The following RBCK1 variants were observed in gnomAD, a reference collection of about 807,000 sequenced individuals.
RBCK1 encodes RANBP2-type and C3HC4-type zinc finger containing 1.
Under a neutral mutation model 71.1 loss-of-function variants are expected in RBCK1, and 44 were observed. The observed-to-expected ratio is 0.62, with a 90% CI of 0.49 to 0.80. The LOEUF is 0.80. Ranked by LOEUF, RBCK1 falls within the 30% of genes least tolerant of loss-of-function variation. RBCK1 has a pLI of 0.00. For synonymous variants in RBCK1, 306 were observed against 279.7 expected (o/e 1.09, Z -0.94); for missense variants, 569 against 685.0 (o/e 0.83, Z 1.89).
rs772853220 is a variant in RBCK1 at position 410,393 on chromosome 20, T to C, written c.167+368T>C. On this transcript the variant is annotated intron_variant, in intron 2 of 11. Transcript: ENST00000356286. ...GAGGCTCATATTGTTTCTCTCACCA[T>C]TCTGCCATTCATTCCCAGATTCCTC... 9.0e-6 allele frequency: 7 copies of C among 779,244 alleles called. No homozygotes were observed. The Admixed American group carries it at 1.2e-4, about 13-fold the overall frequency. 48.3% of individuals were successfully genotyped at this position (779,244 alleles called of 1,614,324 possible).
intron 6 of RBCK1, 29 bp downstream of exon 6, chr20:419,760 C>A: frequency 6.5e-7 from 1 of 1,533,136 alleles, no homozygotes; most frequent in East Asian, 2.4e-5. Context: ...GGACAGACAC[C>A]TGCAGACCGC....
At position 431,188 on chromosome 20, in the gene RBCK1, C is replaced by T. The variant is rs1024367368; in HGVS notation, c.*758C>T. Among the ~76,000 whole-genome samples the T allele has an allele frequency of 1.3e-5, 2 of 152,162 alleles. No individual in the cohort carries two copies. Among genetic ancestry groups the T allele is most frequent in the Admixed American group, 6.5e-5 (1 of 15,278 alleles). ...GCTCTTGGGTCACCGTCAGCCAGGA[C>T]AGGTGGAGTGTGCAGTGTGTCAAGT... is the stretch of plus-strand genomic sequence containing the variant. On this transcript the variant is annotated 3_prime_UTR_variant, in exon 12 of 12. Transcript: ENST00000356286. The surrounding 1 kb of genome is among the most constrained non-coding windows in gnomAD (Gnocchi z 4.8).
In RBCK1 at chr20:427,403, C is replaced by T. The variant is rs761214707; in HGVS notation, c.1120C>T (p.Pro374Ser). Residue 374 changes from proline to serine, a missense_variant, in exon 9 of 12, where the codon CCA (proline) becomes TCA (serine). Transcript: ENST00000356286. ...RSAFSYHCKTPDCKGWCFFED... is the reference protein window; with the variant it reads ...RSAFSYHCKTSDCKGWCFFED... ...TGCCTTCAGCTACCATTGCAAGACC[C>T]CAGATTGCAAGGGATGGTGCTTCTT... 2 of 1,614,132 alleles carry T rather than the reference C, an allele frequency of 1.2e-6. No homozygotes were observed. The highest frequency in any genetic ancestry group is 1.7e-6 in the Non-Finnish European group (2 of 1,179,992).
chr20:410,359 C>G (rs1030569849), intron 2 of RBCK1: 1 of 768,714 alleles, frequency 1.3e-6, no homozygotes, highest in African/African-American at 1.7e-5. Flanking sequence ...CTGCTCCCGA[C>G]AGTCCTCAGA....
chr20:430,465 C>G lies in RBCK1; in HGVS notation c.*35C>G, dbSNP rs757431852. ...GGTGGGGCCACATGCTGACCCAGCC[C>G]CACATCCACATTCTGTTAGAATGTA... On this transcript the variant is annotated 3_prime_UTR_variant, in exon 12 of 12. Transcript: ENST00000356286. This position sits in a 1 kb window ranked among gnomAD's most constrained non-coding sequence, Gnocchi z 5.6. The G allele has an allele frequency of 6.4e-7, 1 of 1,553,272 alleles. No homozygotes were observed. The highest frequency in any genetic ancestry group is 8.9e-7 in the Non-Finnish European group (1 of 1,124,840).
intron 8 of RBCK1, 36 bp from the exon 9 acceptor site, chr20:427,277 T>C: frequency 1.9e-6 from 3 of 1,606,678 alleles, no homozygotes; most frequent in Middle Eastern, 3.3e-4. Flanking sequence ...TCAGGTGTTC[T>C]GAATCCTGAG....
rs1363154007 is a variant in RBCK1 at position 430,597 on chromosome 20, T to C, written c.*167T>C. 8.8e-6 allele frequency: 6 copies of C among 679,206 alleles called. No homozygotes were observed. The highest frequency in any genetic ancestry group is 1.5e-5 in the Non-Finnish European group (6 of 397,426). The allele number at this position is 679,206 out of a possible 1,614,324, so 42.1% of individuals were successfully genotyped here. Reference sequence around the variant, plus strand: ...CTGCCCCAGTGCCTTTGTCCTTCCCTTGGGGCTTGCCGGCCAGACTTCTCT... The same window carrying C: ...CTGCCCCAGTGCCTTTGTCCTTCCCCTGGGGCTTGCCGGCCAGACTTCTCT... On this transcript the variant is annotated 3_prime_UTR_variant, in exon 12 of 12. Coordinates refer to ENST00000356286, the MANE Select transcript of RBCK1 (RefSeq NM_031229.4). The surrounding 1 kb of genome is among the most constrained non-coding windows in gnomAD (Gnocchi z 5.6).
In RBCK1 at chr20:417,794, A is replaced by T; in HGVS notation, c.324A>T (p.Ala108=). 2 of 1,613,998 alleles carry T rather than the reference A, an allele frequency of 1.2e-6. 1 individual carries two copies. Among genetic ancestry groups the T allele is most frequent in the South Asian group, 2.2e-5 (2 of 91,070 alleles). Residue 108 remains alanine, a synonymous_variant, in exon 4 of 12, where the codon GCA becomes GCT. Coordinates refer to ENST00000356286, the MANE Select transcript of RBCK1 (RefSeq NM_031229.4). The surrounding 1 kb of genome is among the most constrained non-coding windows in gnomAD (Gnocchi z 4.7). Reference sequence around the variant, plus strand: ...AGTGGGTGATTGGGCAGCGGCTGGCACGAGACCAGGAGACCCTGCACTCCC... The same window carrying T: ...AGTGGGTGATTGGGCAGCGGCTGGCTCGAGACCAGGAGACCCTGCACTCCC... ...LQQWVIGQRL[A]RDQETLHSHG... is the part of the protein sequence containing the mutation.
At position 410,221 on chromosome 20, in the gene RBCK1, G is replaced by A. The variant is rs116903696; in HGVS notation, c.167+196G>A. Among the ~76,000 whole-genome samples the A allele has an allele frequency of 3.2e-4, 48 of 152,254 alleles. No homozygotes were observed. The East Asian group carries it at 6.7e-3, about 21-fold the overall frequency. On this transcript the variant is annotated intron_variant, in intron 2 of 11. Transcript: ENST00000356286. ...GTGTCCTCATTTTAAAAATCAGACC[G>A]TAACAGTAGCTATCTCATAGGGTTG...
rs983258949 is a variant in RBCK1 at position 421,887 on chromosome 20, G to T, written c.918-240G>T. On this transcript the variant is annotated intron_variant, in intron 7 of 11. Transcript: ENST00000356286. ...AGGGAGCCCAGCGAGGAGGCTCCTGGAGTCACCCAGGTGGGGGATGTGGGG... is the reference window on the plus strand; with the variant it reads ...AGGGAGCCCAGCGAGGAGGCTCCTGTAGTCACCCAGGTGGGGGATGTGGGG... 85 of 520,344 alleles carry T rather than the reference G, an allele frequency of 1.6e-4. No homozygotes were observed. The East Asian group carries it at 2.7e-3, about 16-fold the overall frequency. 32.2% of individuals were successfully genotyped at this position (520,344 alleles called of 1,614,324 possible). A position where few individuals can be genotyped will look rare whatever the true frequency, so the allele number is the denominator to read the frequency against.
intron 6 of RBCK1, chr20:420,050 A>AC (rs2016289649): frequency 1.0e-6 from 1 of 969,504 alleles, no homozygotes; most frequent in Non-Finnish European, 1.2e-6. Flanking sequence ...TGACCCCAGC[A>AC]CCCTAGCCAT....
rs2016079376 is a variant in RBCK1 at position 417,693 on chromosome 20, G to A, written c.262-39G>A. On this transcript the variant is annotated intron_variant, in intron 3 of 11. Coordinates refer to ENST00000356286, the MANE Select transcript of RBCK1 (RefSeq NM_031229.4). The surrounding 1 kb of genome is among the most constrained non-coding windows in gnomAD (Gnocchi z 4.7). ...ACTCCTGCTTCCTCTCTCTCCTCTGGCCCTCCCTTCCCACTCTCCCTCTCT... is the reference window on the plus strand; with the variant it reads ...ACTCCTGCTTCCTCTCTCTCCTCTGACCCTCCCTTCCCACTCTCCCTCTCT... 2 of 1,604,724 alleles carry A rather than the reference G, an allele frequency of 1.2e-6. No individual in the cohort carries two copies. Among genetic ancestry groups the A allele is most frequent in the African/African-American group, 2.7e-5 (2 of 74,752 alleles).
intron 9 of RBCK1, among the ~76,000 whole-genome samples, chr20:427,817 C>G (rs928041152): frequency 8.5e-5 from 13 of 152,206 alleles, no homozygotes; most frequent in African/African-American, 2.9e-4. Context: ...AGTCCATAGA[C>G]TTGGCCTCTG....
chr20:409,238 G>A lies in RBCK1; in HGVS notation c.22+459G>A, dbSNP rs953413834. 4.6e-5 allele frequency among the ~76,000 whole-genome samples: 7 copies of A among 152,198 alleles called. No individual in the cohort carries two copies. In the East Asian group the frequency reaches 7.7e-4, roughly 17 times the overall value. On this transcript the variant is annotated intron_variant, in intron 1 of 11. Coordinates refer to ENST00000356286, the MANE Select transcript of RBCK1 (RefSeq NM_031229.4). The stretch of plus-strand genomic sequence containing the variant: ...CAGGATATCTGTCCTCAGTCACCCC[G>A]CCATGCTCACTCTACTGGAGCCCCA...
chr20:425,271 A>G lies in RBCK1; in HGVS notation c.1030-2042A>G, dbSNP rs563858860. Among the ~76,000 whole-genome samples the G allele has an allele frequency of 4.6e-5, 7 of 152,312 alleles. No homozygotes were observed. In the East Asian group the frequency reaches 1.4e-3, roughly 29 times the overall value. On this transcript the variant is annotated intron_variant, in intron 8 of 11. Coordinates refer to ENST00000356286, the MANE Select transcript of RBCK1 (RefSeq NM_031229.4). ...GGTGATCCACCCACCTCGGCCTCCCAAAGTGCTAGGATTACAGGCGTGAGC... is the reference window on the plus strand; with the variant it reads ...GGTGATCCACCCACCTCGGCCTCCCGAAGTGCTAGGATTACAGGCGTGAGC...
chr20:423,015 T>C lies in RBCK1; in HGVS notation c.1029+777T>C, dbSNP rs139638845. 2.3e-3 allele frequency among the ~76,000 whole-genome samples: 345 copies of C among 152,210 alleles called. 1 individual carries two copies. Among genetic ancestry groups the C allele is most frequent in the African/African-American group, 7.8e-3 (325 of 41,526 alleles). On this transcript the variant is annotated intron_variant, in intron 8 of 11. Transcript: ENST00000356286. ...GATATGTGTATAGAATTCATAGTAG[T>C]ACATCCAGGCGCAGTGGCTCATTCC...
At chr20:418,581 G>A (rs916183588) in intron 4 of RBCK1, among the ~76,000 whole-genome samples, 16 of 152,198 alleles carry the variant, frequency 1.1e-4, no homozygotes, top group East Asian at 7.7e-4. Flanking sequence ...TGTTAGCCAG[G>A]ATGGTCTCGA....
At chr20:420,229 C>A in intron 6 of RBCK1, 2 of 985,144 alleles carry the variant, frequency 2.0e-6, no homozygotes, top group Non-Finnish European at 2.4e-6. Flanking sequence ...CTGGCCTGGA[C>A]CCTCGCTGCG....
intron 2 of RBCK1, among the ~76,000 whole-genome samples, chr20:413,369 T>C (rs755655378): frequency 2.0e-5 from 3 of 152,156 alleles, no homozygotes; most frequent in Non-Finnish European, 4.4e-5. Context: ...CTGTAGATCA[T>C]TGGCCACTTG....
Sources: gnomAD v4.1 joint callset for allele counts (sites outside exome capture counted in the v4.1 genomes callset) on GRCh38, gnomAD v4.1.1 for gene constraint, Gnocchi (gnomAD v3.1) non-coding constraint, MANE v1.5 for transcripts, NCBI Gene and HGNC (gene_info 2026-07-23, HGNC 2026-07-21) for gene names.